LPCAT1: variants seen among roughly 807,000 people sequenced by gnomAD.
The protein encoded by LPCAT1 is 1-acylglycerol-3-phosphate O-acyltransferase.
LPCAT1 carries 23 observed loss-of-function variants against 60.9 expected under a neutral mutation model. The ratio of observed to expected loss-of-function variants is 0.38; its 90% CI spans 0.27 to 0.53. LPCAT1 has a LOEUF of 0.53. LPCAT1 is among the 20% of genes least tolerant of loss of function. The pLI is 0.82. For missense variants in LPCAT1, 622 were observed against 723.6 expected, an observed-to-expected ratio of 0.86 and a Z score of 1.61; for synonymous variants, 340 against 301.1, an observed-to-expected ratio of 1.13 and a Z score of -1.34.
intron 1 of LPCAT1, among the ~76,000 whole-genome samples, chr5:1,503,412 G>A (rs1236905447): frequency 1.3e-5 from 2 of 152,324 alleles, no homozygotes; most frequent in East Asian, 3.9e-4. Flanking sequence ...TTTATCAGAG[G>A]TGCTTCCTGC....
In LPCAT1 at chr5:1,477,238, C is replaced by T. The variant is rs1048387015; in HGVS notation, c.899+166G>A. ...AATGCCATCAGAGGGAAACAAGGGG[C>T]GCACAGCACAAGGCCAAGCACGCTT... On this transcript the variant is annotated intron_variant, in intron 9 of 13. Transcript: ENST00000283415. This position sits in a 1 kb window ranked among gnomAD's most constrained non-coding sequence, Gnocchi z 6.0. 6.6e-5 allele frequency among the ~76,000 whole-genome samples: 10 copies of T among 152,178 alleles called. No individual in the cohort carries two copies. Among genetic ancestry groups the T allele is most frequent in the African/African-American group, 1.7e-4 (7 of 41,456 alleles).
In LPCAT1 at chr5:1,479,681, A is replaced by G. The variant is rs1484658472; in HGVS notation, c.762-6T>C. 2.5e-6 allele frequency: 4 copies of G among 1,608,440 alleles called. No homozygotes were observed. Among genetic ancestry groups the G allele is most frequent in the Non-Finnish European group, 3.4e-6 (4 of 1,174,892 alleles). Reference sequence around the variant, plus strand: ...TGAGCCACAGGATTTCCAGCCTTAAAAACAGATTGCACAATGTTGAGCAGA... The same window carrying G: ...TGAGCCACAGGATTTCCAGCCTTAAGAACAGATTGCACAATGTTGAGCAGA... On this transcript the variant is annotated splice_region_variant and splice_polypyrimidine_tract_variant and intron_variant, in intron 7 of 13. Coordinates refer to ENST00000283415, the MANE Select transcript of LPCAT1 (RefSeq NM_024830.5).
chr5:1,487,913 C>G lies in LPCAT1; in HGVS notation c.667+478G>C, dbSNP rs1188661510. Among the ~76,000 whole-genome samples, 1 of 152,166 alleles carries G rather than the reference C, an allele frequency of 6.6e-6. No individual in the cohort carries two copies. Among genetic ancestry groups the G allele is most frequent in the Non-Finnish European group, 1.5e-5 (1 of 68,028 alleles). On this transcript the variant is annotated intron_variant, in intron 5 of 13. Coordinates refer to ENST00000283415, the MANE Select transcript of LPCAT1 (RefSeq NM_024830.5). The surrounding 1 kb of genome is among the most constrained non-coding windows in gnomAD (Gnocchi z 6.1). ...CCAGGTAACCGCCGCGGGAGAGACC[C>G]AAGTTCACACGCATTTGAGTCCCCC...
At chr5:1,498,881 T>A (rs1735904126) in intron 2 of LPCAT1, among the ~76,000 whole-genome samples, 1 of 152,136 alleles carries the variant, frequency 6.6e-6, no homozygotes. Flanking sequence ...GTGTACCTAC[T>A]CCCGTGCATG....
At chr5:1,473,895 A>G in intron 11 of LPCAT1, 62 bp downstream of exon 11, 1 of 1,574,256 alleles carries the variant, frequency 6.4e-7, no homozygotes, top group African/African-American at 1.4e-5. Flanking sequence ...AATGAGAACA[A>G]TTTATGCTTC....
chr5:1,487,358 C>T lies in LPCAT1; in HGVS notation c.667+1033G>A, dbSNP rs563606643. 9.8e-5 allele frequency among the ~76,000 whole-genome samples: 15 copies of T among 152,340 alleles called. No individual in the cohort carries two copies. Among genetic ancestry groups the T allele is most frequent in the African/African-American group, 3.1e-4 (13 of 41,588 alleles). On this transcript the variant is annotated intron_variant, in intron 5 of 13. Coordinates refer to ENST00000283415, the MANE Select transcript of LPCAT1 (RefSeq NM_024830.5). This position sits in a 1 kb window ranked among gnomAD's most constrained non-coding sequence, Gnocchi z 6.1. ...TTCTGATCAGAATGACTCAGAACCA[C>T]GCGTGGTGAAGACAATGGAACGGGA...
intron 1 of LPCAT1, among the ~76,000 whole-genome samples, chr5:1,508,209 G>A (rs1024601108): frequency 2.0e-5 from 3 of 152,202 alleles, no homozygotes; most frequent in Non-Finnish European, 4.4e-5. Context: ...GGGAGTGCAC[G>A]TGACCCCGGC....
At chr5:1,508,824 T>C (rs1296444976) in intron 1 of LPCAT1, among the ~76,000 whole-genome samples, 1 of 152,208 alleles carries the variant, frequency 6.6e-6, no homozygotes, top group Non-Finnish European at 1.5e-5. Context: ...CCAGGCTCTC[T>C]GATTTCAGGC....
In LPCAT1 at chr5:1,483,461, G is replaced by T. The variant is rs946967059; in HGVS notation, c.693C>A (p.Val231=). 1 of 1,613,632 alleles carries T rather than the reference G, an allele frequency of 6.2e-7. No homozygotes were observed. The highest frequency in any genetic ancestry group is 8.5e-7 in the Non-Finnish European group (1 of 1,180,038). Residue 231 remains valine (V), a synonymous_variant, in exon 6 of 14, where the codon GTC becomes GTA. Coordinates refer to ENST00000283415, the MANE Select transcript of LPCAT1 (RefSeq NM_024830.5). This position sits in a 1 kb window ranked among gnomAD's most constrained non-coding sequence, Gnocchi z 9.2. ...TTGGATATCGTAAAACCACAGGCTG[G>T]ACGGGCGCTCCAGGGATGAATGCAC... The part of the protein sequence containing the change: ...KPGAFIPGAP[V]QPVVLRYPNK...
chr5:1,488,880 C>T (rs1040783758), intron 4 of LPCAT1, among the ~76,000 whole-genome samples: 1 of 152,206 alleles, frequency 6.6e-6, no homozygotes, highest in East Asian at 1.9e-4. Context: ...CTGATGGAGC[C>T]GAAGGAGGGC....
chr5:1,504,511 G>A (rs912169050), intron 1 of LPCAT1, among the ~76,000 whole-genome samples: 2 of 152,228 alleles, frequency 1.3e-5, no homozygotes, highest in Non-Finnish European at 2.9e-5. Context: ...GCGGTCGGGA[G>A]TTCGAGACCA....
At position 1,519,755 on chromosome 5, in the gene LPCAT1, C is replaced by T. The variant is rs114575197; in HGVS notation, c.135+3955G>A. On this transcript the variant is annotated intron_variant, in intron 1 of 13. Coordinates refer to ENST00000283415, the MANE Select transcript of LPCAT1 (RefSeq NM_024830.5). ...CTCTACTGGGCCAAAACAGTTGGCA[C>T]CATCACACCCAGGTCATCAGAAGGC... Among the ~76,000 whole-genome samples, 576 of 152,356 alleles carry T rather than the reference C, an allele frequency of 3.8e-3. 3 individuals are homozygous for T. Among genetic ancestry groups the T allele is most frequent in the African/African-American group, 0.013 (546 of 41,572 alleles).
At chr5:1,485,010 A>T (rs3806883) in intron 5 of LPCAT1, among the ~76,000 whole-genome samples, 2 of 152,054 alleles carry the variant, frequency 1.3e-5, no homozygotes, top group Non-Finnish European at 2.9e-5. Flanking sequence ...GCCGAGTCCC[A>T]GCCCCTGAGA....
intron 1 of LPCAT1, among the ~76,000 whole-genome samples, chr5:1,519,346 TAC>T (rs1736602316): frequency 6.6e-6 from 1 of 152,272 alleles, no homozygotes; most frequent in African/African-American, 2.4e-5. Flanking sequence ...CATATTCTCA[TAC>T]ACACACTCAT....
At chr5:1,519,668 G>A (rs1169198628) in intron 1 of LPCAT1, among the ~76,000 whole-genome samples, 2 of 152,216 alleles carry the variant, frequency 1.3e-5, no homozygotes, top group Non-Finnish European at 2.9e-5. Flanking sequence ...CCTCACCTGT[G>A]CTTCCTGGGG....
At chr5:1,513,738 G>A (rs1270912858) in intron 1 of LPCAT1, among the ~76,000 whole-genome samples, 8 of 141,900 alleles carry the variant, frequency 5.6e-5, no homozygotes, top group South Asian at 2.3e-4. Flanking sequence ...CCCGTGGGGC[G>A]GGACACCCTG....
intron 3 of LPCAT1, 58 bp downstream of exon 3, chr5:1,494,642 G>T: frequency 6.8e-7 from 1 of 1,478,396 alleles, no homozygotes; most frequent in South Asian, 1.1e-5. Flanking sequence ...GCAGCAGGGG[G>T]ATCTCTCACT....
rs562010605 is a variant in LPCAT1, at chr5:1,465,324, C to T, written c.1420+1425G>A. 8.2e-5 allele frequency among the ~76,000 whole-genome samples: 11 copies of T among 134,772 alleles called. No homozygotes were observed. In the East Asian group the frequency reaches 2.2e-3, roughly 28 times the overall value. 88.4% of individuals were successfully genotyped at this position (134,772 alleles called of 152,430 possible). A position where few individuals can be genotyped will look rare whatever the true frequency, so the allele number is the denominator to read the frequency against. ...CATGTGCGCGCACACACAAAACAAG[C>T]GCAGGCACACAGTAACTAAACACAC... is the stretch of plus-strand genomic sequence containing the variant. On this transcript the variant is annotated intron_variant, in intron 13 of 13. Transcript: ENST00000283415.
intron 1 of LPCAT1, among the ~76,000 whole-genome samples, chr5:1,515,612 G>A (rs1207812097): frequency 2.0e-5 from 3 of 148,902 alleles, no homozygotes; most frequent in Admixed American, 6.7e-5. Context: ...TACAGATACT[G>A]GGACCCTCCC....
Sources: allele counts gnomAD v4.1 joint callset (sites outside exome capture counted in the v4.1 genomes callset), GRCh38; gene constraint gnomAD v4.1.1; non-coding constraint Gnocchi (gnomAD v3.1); transcripts MANE v1.5; gene names NCBI Gene and HGNC (gene_info 2026-07-23, HGNC 2026-07-21).